Variants in PITPNM2 observed in about 807,000 individuals in gnomAD.
The protein encoded by PITPNM2 is membrane-associated phosphatidylinositol transfer protein 2.
PITPNM2 carries 35 observed loss-of-function variants against 132.2 expected under a neutral mutation model. The ratio of observed to expected loss-of-function variants is 0.26; its 90% CI spans 0.20 to 0.35. The LOEUF (loss-of-function observed/expected upper bound fraction) is 0.35, where lower values mean the gene tolerates loss of function less well. PITPNM2 is among the 10% of genes least tolerant of loss of function. The pLI is 1.00. For missense variants in PITPNM2, 1,332 were observed against 1,912.0 expected, an observed-to-expected ratio of 0.70 and a Z score of 5.66; for synonymous variants, 738 against 799.2, an observed-to-expected ratio of 0.92 and a Z score of 1.29.
chr12:123,094,409 A>G (rs1487563759), intron 2 of PITPNM2, among the ~76,000 whole-genome samples: 1 of 152,190 alleles, frequency 6.6e-6, no homozygotes, highest in Non-Finnish European at 1.5e-5. Context: ...AGCAGGCTGA[A>G]GCGGAGCCCA....
chr12:123,088,971 A>T (rs2042187789), intron 2 of PITPNM2: 1 of 150,726 alleles, frequency 6.6e-6, no homozygotes, highest in African/African-American at 2.5e-5. Flanking sequence ...CACTCTGGAC[A>T]TCCAAGCACA....
At chr12:122,999,776 T>G (rs1224510723) in intron 10 of PITPNM2, among the ~76,000 whole-genome samples, 1 of 152,160 alleles carries the variant, frequency 6.6e-6, no homozygotes, top group Non-Finnish European at 1.5e-5. Context: ...GGGCTCCGGT[T>G]TGGGGGTTCT....
chr12:123,009,504 G>A lies in PITPNM2; in HGVS notation c.643+346C>T, dbSNP rs1169493351. On this transcript the variant is annotated intron_variant, in intron 6 of 25. Coordinates refer to ENST00000320201, the MANE Select transcript of PITPNM2 (RefSeq NM_020845.3). The surrounding 1 kb of genome is among the most constrained non-coding windows in gnomAD (Gnocchi z 4.8). Reference sequence around the variant, plus strand: ...CCCAGAGGCCCAGATGAGCAGCAGGGAACCTGTCCCCAGGGGCTACTCAGA... The same window carrying A: ...CCCAGAGGCCCAGATGAGCAGCAGGAAACCTGTCCCCAGGGGCTACTCAGA... Among the ~76,000 whole-genome samples, 2 of 152,076 alleles carry A rather than the reference G, an allele frequency of 1.3e-5. No individual in the cohort carries two copies. Among genetic ancestry groups the A allele is most frequent in the African/African-American group, 2.4e-5 (1 of 41,446 alleles).
At chr12:123,124,352 A>T (rs933985078) in intron 1 of PITPNM2, among the ~76,000 whole-genome samples, 3 of 152,156 alleles carry the variant, frequency 2.0e-5, no homozygotes, top group Non-Finnish European at 4.4e-5. Flanking sequence ...GAATCACTTG[A>T]ACCCATGAGA....
intron 3 of PITPNM2, chr12:123,021,733 T>A (rs1463219262): frequency 1.0e-6 from 1 of 983,020 alleles, no homozygotes; most frequent in Non-Finnish European, 1.2e-6. Flanking sequence ...TGGCAGAACA[T>A]GCGGGCTTAG....
rs2041122656 is a variant in PITPNM2, at chr12:123,058,573, C to T, written c.-95-23888G>A. 6.6e-6 allele frequency among the ~76,000 whole-genome samples: 1 copy of T among 152,212 alleles called. No individual in the cohort carries two copies. Among genetic ancestry groups the T allele is most frequent in the Non-Finnish European group, 1.5e-5 (1 of 68,036 alleles). ...CACTCCACCATTCACCTGCTGTTCC[C>T]TGCTGTCATTCTTGTTGTTCCCTGT... On this transcript the variant is annotated intron_variant, in intron 2 of 25. Coordinates refer to ENST00000320201, the MANE Select transcript of PITPNM2 (RefSeq NM_020845.3). The surrounding 1 kb of genome is among the most constrained non-coding windows in gnomAD (Gnocchi z 4.0).
rs2042396686 is a variant in PITPNM2, at chr12:123,095,859, G to A, written c.-96+14526C>T. On this transcript the variant is annotated intron_variant, in intron 2 of 25. Coordinates refer to ENST00000320201, the MANE Select transcript of PITPNM2 (RefSeq NM_020845.3). The surrounding 1 kb of genome is among the most constrained non-coding windows in gnomAD (Gnocchi z 5.0). ...GGATCTAAACCAAGCGTCAGCACCT[G>A]AGGCTCCCTTCATGGGCTCCACGCC... Among the ~76,000 whole-genome samples, 1 of 152,244 alleles carries A rather than the reference G, an allele frequency of 6.6e-6. No individual in the cohort carries two copies. Among genetic ancestry groups the A allele is most frequent in the Non-Finnish European group, 1.5e-5 (1 of 68,042 alleles).
intron 1 of PITPNM2, among the ~76,000 whole-genome samples, chr12:123,146,686 C>T (rs1411180053): frequency 6.7e-6 from 1 of 150,062 alleles, no homozygotes; most frequent in African/African-American, 2.4e-5. Flanking sequence ...CAGCACTCGT[C>T]GTGTCTTTGA....
rs1250904690 is a variant in PITPNM2 at position 122,986,439 on chromosome 12, G to T, written c.3723C>A (p.Cys1241Ter). The change falls in exon 25 of 26, where the codon TGC (cysteine) becomes TGA (stop). Residue 1241 changes from cysteine to a stop codon, truncating the protein, a stop_gained. Coordinates refer to ENST00000320201, the MANE Select transcript of PITPNM2 (RefSeq NM_020845.3). LOFTEE classifies it high-confidence loss of function. ...CCCCCACAATGCGCCCACTCACCTG[G>T]CACTGCTGCTGCAGCTTCTTGGTGG... Reference protein sequence around the residue: ...GRPTKKLQQQCQFITDGYAAH... With the variant: ...GRPTKKLQQQ 1 of 1,570,760 alleles carries T rather than the reference G, an allele frequency of 6.4e-7. No homozygotes were observed. Among genetic ancestry groups the T allele is most frequent in the Non-Finnish European group, 8.6e-7 (1 of 1,158,700 alleles).
intron 2 of PITPNM2, among the ~76,000 whole-genome samples, chr12:123,048,453 C>T (rs963658792): frequency 9.2e-5 from 14 of 151,704 alleles, no homozygotes; most frequent in African/African-American, 2.9e-4. Flanking sequence ...TCGCCCAGGC[C>T]GGACTGCGGA....
At chr12:123,128,910 G>A (rs113026115) in intron 1 of PITPNM2, among the ~76,000 whole-genome samples, 39 of 152,092 alleles carry the variant, frequency 2.6e-4, no homozygotes, top group African/African-American at 7.7e-4. Context: ...CCAAGAGGGC[G>A]TATCACCTGA....
Position 122,986,512 on chromosome 12 carries a change from T to C in PITPNM2, c.3650A>G (p.Tyr1217Cys), listed in dbSNP as rs1269316454. 1 of 1,595,986 alleles carries C rather than the reference T, an allele frequency of 6.3e-7. No homozygotes were observed. Among genetic ancestry groups the C allele is most frequent in the Non-Finnish European group, 8.5e-7 (1 of 1,171,074 alleles). ...CATGGGGGACAGGCTAATGGCGCTG[T>C]ACACCGCCACGTCCTTGGTGGAGCC... The part of the protein sequence containing the change: ...AYGSTKDVAV[Y>C]SAISLSPMQI... The change falls in exon 25 of 26, where the codon TAC becomes TGC. Residue 1217 changes from tyrosine (Y) to cysteine (C), a missense_variant. Around this residue, in one of 6 missense-constraint regions of PITPNM2, gnomAD observed 251 missense variants for 472.0 expected, o/e 0.53. Transcript: ENST00000320201.
chr12:122,988,202 CG>C (rs2038021138), intron 20 of PITPNM2, 31 bp downstream of exon 20: 2 of 1,568,912 alleles, frequency 1.3e-6, no homozygotes, highest in East Asian at 4.5e-5. Context: ...AGGGTGACAT[CG>C]TGGGGGCCTG....
At position 122,993,579 on chromosome 12, in the gene PITPNM2, G is replaced by A. The variant is rs1316342371; in HGVS notation, c.2234-910C>T. ...GGTACTCCACTGTGTGGTTGTGCCA[G>A]AATTTATTTAACCAGCCCCTCCACA... On this transcript the variant is annotated intron_variant, in intron 15 of 25. Transcript: ENST00000320201. The surrounding 1 kb of genome is among the most constrained non-coding windows in gnomAD (Gnocchi z 5.2). 6.6e-6 allele frequency among the ~76,000 whole-genome samples: 1 copy of A among 152,202 alleles called. No homozygotes were observed. Among genetic ancestry groups the A allele is most frequent in the Middle Eastern group, 3.2e-3 (1 of 316 alleles).
At chr12:123,014,355 T>C (rs1317558033) in intron 3 of PITPNM2, among the ~76,000 whole-genome samples, 3 of 152,224 alleles carry the variant, frequency 2.0e-5, no homozygotes, top group African/African-American at 7.2e-5. Context: ...CTTATTTGCT[T>C]TTCCTCAATA....
intron 2 of PITPNM2, among the ~76,000 whole-genome samples, chr12:123,061,801 C>T (rs555317631): frequency 1.2e-4 from 18 of 152,210 alleles, no homozygotes; most frequent in Non-Finnish European, 2.6e-4. Flanking sequence ...GAACAGCTGC[C>T]GACAGAGTTT....
intron 1 of PITPNM2, among the ~76,000 whole-genome samples, chr12:123,129,412 C>CA (rs1418242401): frequency 6.6e-6 from 1 of 150,542 alleles, no homozygotes; most frequent in Non-Finnish European, 1.5e-5. Flanking sequence ...ACTAAAAATA[C>CA]AAAAAAAATT....
intron 3 of PITPNM2, among the ~76,000 whole-genome samples, chr12:123,026,240 C>T (rs566101526): frequency 6.6e-6 from 1 of 152,314 alleles, no homozygotes; most frequent in South Asian, 2.1e-4. Context: ...AATGTCCCCA[C>T]CAGGCCCTTG....
intron 1 of PITPNM2, among the ~76,000 whole-genome samples, chr12:123,137,801 G>A (rs1185431815): frequency 6.6e-6 from 1 of 151,186 alleles, no homozygotes; most frequent in Non-Finnish European, 1.5e-5. Flanking sequence ...GCTGAGGCAG[G>A]AGAATCACTT....
Sources: allele counts gnomAD v4.1 joint callset (sites outside exome capture counted in the v4.1 genomes callset), GRCh38; gene constraint gnomAD v4.1.1; regional missense constraint gnomAD v4.1.1; non-coding constraint Gnocchi (gnomAD v3.1); transcripts MANE v1.5; gene names NCBI Gene and HGNC (gene_info 2026-07-23, HGNC 2026-07-21).